The following HEATR5A variants were observed in gnomAD, a reference collection of about 807,000 sequenced individuals.
HEATR5A encodes HEAT repeat-containing protein 5A.
In HEATR5A, 178 loss-of-function variants were observed where a neutral mutation model predicts 218.8. The ratio of observed to expected loss-of-function variants is 0.81; its 90% CI spans 0.72 to 0.92. HEATR5A has a LOEUF of 0.92. Among genes scored for constraint, HEATR5A ranks in the 40% least tolerant of loss-of-function variants. The probability of loss-of-function intolerance (pLI) is 0.00; values close to 1 mark genes in which losing one functional copy is unlikely to be tolerated. For synonymous variants in HEATR5A, 864 were observed against 871.6 expected (o/e 0.99, Z 0.15); for missense variants, 2,420 against 2,418.9 (o/e 1.00, Z -0.01).
chr14:31,293,346 C>A lies in HEATR5A; in HGVS notation c.6100G>T (p.Gly2034Ter), dbSNP rs200750007. 52 of 1,596,092 alleles carry A rather than the reference C, an allele frequency of 3.3e-5. No homozygotes were observed. The highest frequency in any genetic ancestry group is 1.5e-4 in the African/African-American group (11 of 73,660). ...IPTSKYTKSP[G>*]KNSSIQLKTS... The stretch of plus-strand genomic sequence containing the variant: ...TTTAATTGGATGCTTGAGTTTTTTC[C>A]AGGACTCTTAGTATATTTAGATGTT... Residue 2034 changes from glycine (G) to a stop codon, truncating the protein, a stop_gained, in exon 36 of 36, where the codon GGA becomes TGA. Coordinates refer to ENST00000543095, the MANE Select transcript of HEATR5A (RefSeq NM_015473.4). LOFTEE classifies it high-confidence loss of function.
In HEATR5A at chr14:31,387,352, T is replaced by A; in HGVS notation, c.957A>T (p.Thr319=). The change falls in exon 8 of 36, where the codon ACA becomes ACT. Residue 319 remains threonine (T), a synonymous_variant. Coordinates refer to ENST00000543095, the MANE Select transcript of HEATR5A (RefSeq NM_015473.4). ...VTQAYVVFVS[T]LGGAWLEKNF... ...TTTTCTCTAGCCAAGCTCCTCCTAG[T>A]GTTGAAACAAATACCACATAAGCCT... is the stretch of plus-strand genomic sequence containing the variant. 3.7e-6 allele frequency: 6 copies of A among 1,613,402 alleles called. No homozygotes were observed. The highest frequency in any genetic ancestry group is 5.1e-6 in the Non-Finnish European group (6 of 1,179,386).
Position 31,323,862 on chromosome 14 carries a change from A to C in HEATR5A, c.3548-58T>G, listed in dbSNP as rs868854376. The C allele has an allele frequency of 3.5e-5, 27 of 764,804 alleles. No homozygotes were observed. The Middle Eastern group carries it at 5.3e-3, about 149-fold the overall frequency. 47.4% of individuals were successfully genotyped at this position (764,804 alleles called of 1,614,324 possible). A position where few individuals can be genotyped will look rare whatever the true frequency, so the allele number is the denominator to read the frequency against. On this transcript the variant is annotated intron_variant, in intron 23 of 35. Coordinates refer to ENST00000543095, the MANE Select transcript of HEATR5A (RefSeq NM_015473.4). ...TCAACTGAAAGATATATATATATAT[A>C]TCAAAAGGAACAAAAAAATGACTTC...
chr14:31,315,627 T>C (rs946579936), intron 27 of HEATR5A, 143 bp downstream of exon 27: 23 of 588,714 alleles, frequency 3.9e-5, no homozygotes, highest in African/African-American at 3.9e-4. Context: ...AACATATAAA[T>C]ACATCACATG....
chr14:31,380,691 G>T, intron 10 of HEATR5A, 113 bp from the exon 11 acceptor site: 1 of 686,700 alleles, frequency 1.5e-6, no homozygotes, highest in Non-Finnish European at 2.5e-6. Flanking sequence ...AAATGTAAAC[G>T]ATAAAGAACT....
chr14:31,407,691 C>T (rs367766652), intron 1 of HEATR5A, among the ~76,000 whole-genome samples: 3 of 151,470 alleles, frequency 2.0e-5, no homozygotes, highest in South Asian at 2.1e-4. Context: ...TGCAATGGTG[C>T]GATCTCGGCT....
intron 11 of HEATR5A, 26 bp downstream of exon 11, chr14:31,380,441 T>C: frequency 1.5e-6 from 2 of 1,372,168 alleles, no homozygotes; most frequent in Non-Finnish European, 2.1e-6. Context: ...TATTTCAAGG[T>C]ATGTAAACCT....
intron 11 of HEATR5A, among the ~76,000 whole-genome samples, chr14:31,377,096 C>A (rs925608825): frequency 6.7e-6 from 1 of 148,372 alleles, no homozygotes; most frequent in South Asian, 2.1e-4. Context: ...TGTACTCCAG[C>A]CTGGGTAACA....
intron 16 of HEATR5A, among the ~76,000 whole-genome samples, chr14:31,351,664 G>C (rs1014976827): frequency 1.3e-5 from 2 of 152,078 alleles, no homozygotes; most frequent in African/African-American, 4.8e-5. Flanking sequence ...CTTCTGGTTA[G>C]CTATAGATGC....
At chr14:31,338,076 G>T (rs957722665) in intron 21 of HEATR5A, among the ~76,000 whole-genome samples, 1 of 152,172 alleles carries the variant, frequency 6.6e-6, no homozygotes, top group East Asian at 1.9e-4. Flanking sequence ...AAATGTCTCA[G>T]TTTGAGTCCT....
intron 34 of HEATR5A, among the ~76,000 whole-genome samples, chr14:31,294,835 T>C (rs935064652): frequency 6.6e-6 from 1 of 152,172 alleles, no homozygotes; most frequent in South Asian, 2.1e-4. Context: ...AAATGATGTA[T>C]TTGATGTTCA....
chr14:31,310,734 G>C (rs28623024), intron 28 of HEATR5A, among the ~76,000 whole-genome samples: 2,413 of 152,156 alleles, frequency 0.016, 56 homozygotes, highest in African/African-American at 0.055. Context: ...CTATATGTCT[G>C]TCATTCATTT....
intron 17 of HEATR5A, 91 bp downstream of exon 17, chr14:31,350,521 A>C (rs1372848203): frequency 4.3e-6 from 3 of 693,850 alleles, no homozygotes; most frequent in Non-Finnish European, 7.3e-6. Flanking sequence ...AAAAAAGAGC[A>C]TTTTAAAAAC....
chr14:31,350,563 A>G, intron 17 of HEATR5A, 49 bp downstream of exon 17: 2 of 1,066,062 alleles, frequency 1.9e-6, no homozygotes, highest in Non-Finnish European at 2.7e-6. Context: ...TTGGCTACAA[A>G]TTTTTTAAAA....
chr14:31,302,782 G>T, intron 32 of HEATR5A: 1 of 385,554 alleles, frequency 2.6e-6, no homozygotes, highest in Non-Finnish European at 4.7e-6. Flanking sequence ...TGTTTTCTTT[G>T]GCAGTCGATA....
intron 2 of HEATR5A, among the ~76,000 whole-genome samples, chr14:31,402,498 T>C (rs2030915629): frequency 6.6e-6 from 1 of 152,178 alleles, no homozygotes; most frequent in South Asian, 2.1e-4. Flanking sequence ...TCCCACTACA[T>C]TGTTTAGCCA....
At chr14:31,418,218 A>G (rs2031520473) in intron 1 of HEATR5A, among the ~76,000 whole-genome samples, 2 of 152,190 alleles carry the variant, frequency 1.3e-5, no homozygotes, top group African/African-American at 2.4e-5. Context: ...CGATAAAAAC[A>G]AAAACAAACA....
intron 34 of HEATR5A, 23 bp from the exon 35 acceptor site, chr14:31,294,127 T>G (rs1365468117): frequency 1.4e-6 from 2 of 1,409,946 alleles, no homozygotes; most frequent in Non-Finnish European, 1.9e-6. Flanking sequence ...GAGAAAAGAA[T>G]AGCAAATACT....
At chr14:31,343,802 G>C in intron 21 of HEATR5A, 94 bp downstream of exon 21, 1 of 1,037,388 alleles carries the variant, frequency 9.6e-7, no homozygotes, top group Non-Finnish European at 1.3e-6. Context: ...ACATAACTTT[G>C]TACATAGTCT....
chr14:31,411,396 G>A (rs533602091), intron 1 of HEATR5A, among the ~76,000 whole-genome samples: 1 of 152,206 alleles, frequency 6.6e-6, no homozygotes, highest in African/African-American at 2.4e-5. Context: ...CAAATGCACA[G>A]GAGTGCAAAA....
Sources: gnomAD v4.1 joint callset for allele counts (sites outside exome capture counted in the v4.1 genomes callset) on GRCh38, gnomAD v4.1.1 for gene constraint, MANE v1.5 for transcripts, NCBI Gene and HGNC (gene_info 2026-07-23, HGNC 2026-07-21) for gene names.